SELENOF: variants seen among roughly 807,000 people sequenced by gnomAD.
The protein encoded by SELENOF is 15 kDa selenoprotein.
Under a neutral mutation model 20.5 loss-of-function variants are expected in SELENOF, and 16 were observed. The ratio of observed to expected loss-of-function variants is 0.78; its 90% confidence interval spans 0.53 to 1.19. The LOEUF is 1.19. SELENOF is among the 50% of genes most tolerant of loss of function. SELENOF has a pLI of 0.00. For missense variants in SELENOF, 215 were observed against 194.2 expected (o/e 1.11, Z -0.64); for synonymous variants, 78 against 74.5 (o/e 1.05, Z -0.24).
intron 2 of SELENOF, 66 bp downstream of exon 2, chr1:86,903,215 C>T (rs758281614): frequency 2.0e-5 from 28 of 1,391,674 alleles, no homozygotes; most frequent in Non-Finnish European, 2.7e-5. Flanking sequence ...ATTGATTAAG[C>T]AACTTACATT....
At chr1:86,881,318 T>C (rs749585021) in intron 2 of SELENOF, among the ~76,000 whole-genome samples, 8 of 152,240 alleles carry the variant, frequency 5.3e-5, no homozygotes, top group Admixed American at 6.5e-5. Flanking sequence ...TTTCTAGCTA[T>C]AGAACCTGCA....
At chr1:86,891,525 G>GAGCATTGC (rs1460410332) in intron 2 of SELENOF, among the ~76,000 whole-genome samples, 2 of 152,174 alleles carry the variant, frequency 1.3e-5, no homozygotes, top group Non-Finnish European at 2.9e-5. Context: ...TTTTCGTTTT[G>GAGCATTGC]AGCATTGCAG....
intron 3 of SELENOF, among the ~76,000 whole-genome samples, chr1:86,880,384 T>C (rs370350800): frequency 4.6e-4 from 70 of 152,326 alleles, no homozygotes; most frequent in Admixed American, 1.2e-3. Context: ...TCCACCCACC[T>C]TGGCCTCCCA....
chr1:86,896,650 C>T (rs1358325382), intron 2 of SELENOF, among the ~76,000 whole-genome samples: 1 of 152,170 alleles, frequency 6.6e-6, no homozygotes, highest in Non-Finnish European at 1.5e-5. Flanking sequence ...AAATAATTAA[C>T]ATTATCTCTT....
intron 2 of SELENOF, among the ~76,000 whole-genome samples, chr1:86,887,806 T>C (rs1253421959): frequency 6.6e-6 from 1 of 152,134 alleles, no homozygotes; most frequent in Non-Finnish European, 1.5e-5. Flanking sequence ...ATGTATACTT[T>C]AGCTACAAGT....
chr1:86,866,558 A>G (rs989313568), intron 4 of SELENOF, among the ~76,000 whole-genome samples: 1 of 152,158 alleles, frequency 6.6e-6, no homozygotes, highest in Non-Finnish European at 1.5e-5. Context: ...AACAATGTGA[A>G]AATACTTAAT....
At chr1:86,889,409 G>T (rs1306641922) in intron 2 of SELENOF, among the ~76,000 whole-genome samples, 1 of 152,012 alleles carries the variant, frequency 6.6e-6, no homozygotes, top group African/African-American at 2.4e-5. Flanking sequence ...GCCTGGCCAA[G>T]ATGGTGAAAC....
chr1:86,911,408 C>T (rs1338019759), intron 1 of SELENOF, among the ~76,000 whole-genome samples: 1 of 152,190 alleles, frequency 6.6e-6, no homozygotes, highest in Non-Finnish European at 1.5e-5. Flanking sequence ...TGCCAATTCT[C>T]CACTTGTACC....
chr1:86,892,275 T>C (rs1278289954), intron 2 of SELENOF, among the ~76,000 whole-genome samples: 3 of 152,220 alleles, frequency 2.0e-5, no homozygotes, highest in Admixed American at 2.0e-4. Flanking sequence ...TCAGGAGTCT[T>C]AGTGATTCTT....
Position 86,866,195 on chromosome 1 carries a change from C to CAA in SELENOF, c.366+1856_366+1857dup, listed in dbSNP as rs762072945. On this transcript the variant is annotated intron_variant, in intron 4 of 4. Transcript: ENST00000331835. ...CTGGGTGACAGAGTAAGACCATGTC[C>CAA]AAAAAAAAAAAAAAAAAAAAAAAAG... is the stretch of plus-strand genomic sequence containing the variant. Among the ~76,000 whole-genome samples the CAA allele has an allele frequency of 9.2e-3, 255 of 27,590 alleles. 32 individuals are homozygous for CAA. The highest frequency in any genetic ancestry group is 0.024 in the African/African-American group (213 of 8,758). The allele number at this position is 27,590 out of a possible 152,430, so 18.1% of individuals were successfully genotyped here.
chr1:86,905,057 A>G (rs898728966), intron 1 of SELENOF, among the ~76,000 whole-genome samples: 3 of 152,180 alleles, frequency 2.0e-5, no homozygotes, highest in East Asian at 1.9e-4. Flanking sequence ...ACTGAAACTT[A>G]TATTTTTCTT....
At chr1:86,905,943 G>T (rs60660639) in intron 1 of SELENOF, among the ~76,000 whole-genome samples, 1 of 152,146 alleles carries the variant, frequency 6.6e-6, no homozygotes, top group East Asian at 1.9e-4. Flanking sequence ...TACAAAAACT[G>T]GGTTGACTGA....
intron 4 of SELENOF, among the ~76,000 whole-genome samples, chr1:86,866,546 A>C (rs1658600620): frequency 6.6e-6 from 1 of 152,176 alleles, no homozygotes. Flanking sequence ...GAACTGTTAC[A>C]GAACAATGTG....
chr1:86,913,189 T>C (rs940858559), intron 1 of SELENOF, among the ~76,000 whole-genome samples: 3 of 152,138 alleles, frequency 2.0e-5, no homozygotes, highest in African/African-American at 7.2e-5. Context: ...CAACCTTGGA[T>C]AAGTAAATTA....
intron 2 of SELENOF, among the ~76,000 whole-genome samples, chr1:86,888,167 G>T (rs899738565): frequency 9.9e-5 from 15 of 151,844 alleles, no homozygotes; most frequent in Non-Finnish European, 2.2e-4. Context: ...GGCTGAGGTG[G>T]GAGAATCACT....
chr1:86,888,262 C>CA (rs11454409), intron 2 of SELENOF, among the ~76,000 whole-genome samples: 7,220 of 87,100 alleles, frequency 0.083, 211 homozygotes, highest in African/African-American at 0.11. Context: ...GACTCCATCT[C>CA]AAAAAAAAAA....
chr1:86,873,046 A>C (rs1291468368), intron 3 of SELENOF, among the ~76,000 whole-genome samples: 2 of 41,152 alleles, frequency 4.9e-5, no homozygotes, highest in African/African-American at 2.5e-4. Flanking sequence ...CTCCGTCTAA[A>C]ATAAATAAAT....
chr1:86,882,173 A>G (rs1570385129), intron 2 of SELENOF, among the ~76,000 whole-genome samples: 1 of 144,704 alleles, frequency 6.9e-6, no homozygotes, highest in East Asian at 2.2e-4. Context: ...CGGAGGTTGC[A>G]GTGAGCCGAA....
intron 1 of SELENOF, among the ~76,000 whole-genome samples, chr1:86,910,573 G>A (rs548500638): frequency 5.0e-4 from 76 of 152,108 alleles, no homozygotes; most frequent in South Asian, 2.7e-3. Context: ...GCGTGGTGGC[G>A]TGCACCTGTA....
Sources: allele counts gnomAD v4.1 joint callset (sites outside exome capture counted in the v4.1 genomes callset), GRCh38; gene constraint gnomAD v4.1.1; transcripts MANE v1.5; gene names NCBI Gene and HGNC (gene_info 2026-07-23, HGNC 2026-07-21).